SLC41A2: variants seen among roughly 807,000 people sequenced by gnomAD.
SLC41A2 encodes SLC41A1-like 1.
A neutral mutation model predicts 58.3 loss-of-function variants in SLC41A2; 32 were observed. The ratio of observed to expected loss-of-function variants is 0.55; its 90% CI spans 0.41 to 0.74. SLC41A2 has a LOEUF of 0.74. Ranked by LOEUF, SLC41A2 falls within the 30% of genes least tolerant of loss-of-function variation. The pLI is 0.00. For missense variants in SLC41A2, 514 were observed against 680.6 expected, an observed-to-expected ratio of 0.76 and a Z score of 2.72; for synonymous variants, 190 against 235.0, an observed-to-expected ratio of 0.81 and a Z score of 1.75.
intron 9 of SLC41A2, among the ~76,000 whole-genome samples, chr12:104,845,285 T>C (rs2042563361): frequency 6.6e-6 from 1 of 152,136 alleles, no homozygotes; most frequent in Non-Finnish European, 1.5e-5. Context: ...AGCAAAGCCC[T>C]GTCTCAACAA....
chr12:104,863,181 T>C (rs1439139805), intron 7 of SLC41A2, among the ~76,000 whole-genome samples: 1 of 152,258 alleles, frequency 6.6e-6, no homozygotes, highest in Non-Finnish European at 1.5e-5. Context: ...CTCATGCCTA[T>C]AATCCCAGCA....
chr12:104,822,954 C>G (rs753320177), intron 10 of SLC41A2, among the ~76,000 whole-genome samples: 3 of 152,042 alleles, frequency 2.0e-5, no homozygotes, highest in African/African-American at 4.8e-5. Flanking sequence ...AATTTGAAAA[C>G]TATAAAAAGA....
At chr12:104,871,190 C>T (rs576417940) in intron 6 of SLC41A2, among the ~76,000 whole-genome samples, 2 of 152,234 alleles carry the variant, frequency 1.3e-5, no homozygotes, top group African/African-American at 2.4e-5. Context: ...TCTCAGATCT[C>T]GCCTACAAAG....
chr12:104,932,624 CAA>C lies in SLC41A2; in HGVS notation c.-167-3932_-167-3931del, dbSNP rs544329617. ...TGGGTGACGCAGTGAGACTTTGTCT[CAA>C]AAAAAAAAAAAAAAAAAAAAGATAT... On this transcript the variant is annotated intron_variant, in intron 1 of 10. Transcript: ENST00000258538. Among the ~76,000 whole-genome samples, 63 of 46,058 alleles carry C rather than the reference CAA, an allele frequency of 1.4e-3. No individual in the cohort carries two copies. In the South Asian group the frequency reaches 0.026, roughly 19 times the overall value. 30.2% of individuals were successfully genotyped at this position (46,058 alleles called of 152,430 possible). A position where few individuals can be genotyped will look rare whatever the true frequency, so the allele number is the denominator to read the frequency against.
intron 10 of SLC41A2, among the ~76,000 whole-genome samples, chr12:104,805,801 G>A (rs1336333021): frequency 6.6e-6 from 1 of 152,104 alleles, no homozygotes; most frequent in East Asian, 1.9e-4. Flanking sequence ...GACTTGTCAA[G>A]GAAAATTTCA....
At chr12:104,833,610 C>T (rs1407698877) in intron 10 of SLC41A2, among the ~76,000 whole-genome samples, 1 of 152,096 alleles carries the variant, frequency 6.6e-6, no homozygotes, top group African/African-American at 2.4e-5. Flanking sequence ...TCTTTGGAAA[C>T]TTTTTGCTTT....
intron 1 of SLC41A2, among the ~76,000 whole-genome samples, chr12:104,929,519 A>T (rs1047134371): frequency 6.6e-6 from 1 of 152,228 alleles, no homozygotes. Context: ...CTGGCCACTC[A>T]GTGACTAGAG....
intron 10 of SLC41A2, among the ~76,000 whole-genome samples, chr12:104,838,734 G>A (rs1271393597): frequency 6.6e-6 from 1 of 152,092 alleles, no homozygotes; most frequent in East Asian, 1.9e-4. Flanking sequence ...AAGTTACAGA[G>A]GAAAAAGACT....
intron 8 of SLC41A2, among the ~76,000 whole-genome samples, chr12:104,852,939 G>A (rs984967172): frequency 6.6e-6 from 1 of 152,070 alleles, no homozygotes; most frequent in African/African-American, 2.4e-5. Context: ...ATTCTTCAGG[G>A]ACTAATTGCA....
chr12:104,842,249 A>G (rs1433174130), intron 10 of SLC41A2, among the ~76,000 whole-genome samples: 2 of 152,040 alleles, frequency 1.3e-5, no homozygotes, highest in African/African-American at 4.8e-5. Flanking sequence ...GCTTATGTGT[A>G]TGCTAGTGTC....
At chr12:104,873,093 C>T (rs2043863836) in intron 6 of SLC41A2, among the ~76,000 whole-genome samples, 1 of 152,110 alleles carries the variant, frequency 6.6e-6, no homozygotes. Flanking sequence ...TCATGTTGTA[C>T]ATTCATTGGA....
At chr12:104,904,355 A>G (rs949757448) in intron 3 of SLC41A2, among the ~76,000 whole-genome samples, 12 of 152,176 alleles carry the variant, frequency 7.9e-5, no homozygotes, top group Non-Finnish European at 1.3e-4. Flanking sequence ...TTCTTCTTCA[A>G]ATGTTGCCAC....
rs770175203 is a variant in SLC41A2, at chr12:104,886,306, T to G, written c.1014A>C (p.Leu338Phe). 1.4e-5 allele frequency: 22 copies of G among 1,613,316 alleles called. No individual in the cohort carries two copies. The highest frequency in any genetic ancestry group is 1.8e-5 in the Non-Finnish European group (21 of 1,179,564). Residue 338 changes from leucine to phenylalanine, a missense_variant, in exon 6 of 11, where the codon TTA (leucine) becomes TTC (phenylalanine). By Grantham distance (22) the Leu-to-Phe change is conservative (BLOSUM62 0). Around this residue, in one of 3 missense-constraint regions of SLC41A2, gnomAD observed 336 missense variants for 430.0 expected, o/e 0.78. Coordinates refer to ENST00000258538, the MANE Select transcript of SLC41A2 (RefSeq NM_001352171.3). ...LAILAWISQG[L>F]YSCLETYYYI... ...AAATCAACTTACCAAGACAGGAGTA[T>G]AAGCCCTGACTTATCCAAGCCAATA...
chr12:104,878,299 T>TTATATATATATATATATATATATATATA (rs55670022), intron 6 of SLC41A2, among the ~76,000 whole-genome samples: 86 of 139,874 alleles, frequency 6.1e-4, no homozygotes, highest in East Asian at 9.2e-4. Context: ...TACCTGTATT[T>TTATATATATATATATATATATATATATA]TATATATATA....
Position 104,803,347 on chromosome 12 carries a change from T to C in SLC41A2, c.*1805A>G. On this transcript the variant is annotated 3_prime_UTR_variant, in exon 11 of 11. Transcript: ENST00000258538. ...AATGTTCACTATGTAACATTATAAC[T>C]CTCCAAAGGAGAAATTCTATAATTA... is the stretch of plus-strand genomic sequence containing the variant. 6.6e-6 allele frequency: 1 copy of C among 152,144 alleles called. No individual in the cohort carries two copies. Among genetic ancestry groups the C allele is most frequent in the Non-Finnish European group, 1.5e-5 (1 of 67,998 alleles). 9.4% of individuals were successfully genotyped at this position (152,144 alleles called of 1,614,324 possible).
rs1277335171 is a variant in SLC41A2, at chr12:104,878,462, G to A, written c.1027+7831C>T. On this transcript the variant is annotated intron_variant, in intron 6 of 10. Transcript: ENST00000258538. The stretch of plus-strand genomic sequence containing the variant: ...TTTCTCCCAATGCTATCCCTCCCCC[G>A]TCCCCCCACCCCACCACAGGCCCTG... Among the ~76,000 whole-genome samples the A allele has an allele frequency of 4.8e-5, 6 of 124,050 alleles. No individual in the cohort carries two copies. In the East Asian group the frequency reaches 9.4e-4, roughly 19 times the overall value. 81.4% of individuals were successfully genotyped at this position (124,050 alleles called of 152,430 possible).
rs140000738 is a variant in SLC41A2, at chr12:104,935,849, C to T, written c.-167-7155G>A. ...CTTGAGGCCAGGAGTTTGAGACCAG[C>T]CTGGCCAACACGGCGAAACCCTGTC... is the stretch of plus-strand genomic sequence containing the variant. On this transcript the variant is annotated intron_variant, in intron 1 of 10. Coordinates refer to ENST00000258538, the MANE Select transcript of SLC41A2 (RefSeq NM_001352171.3). Among the ~76,000 whole-genome samples the T allele has an allele frequency of 2.4e-3, 369 of 152,192 alleles. 3 individuals carry two copies. Among genetic ancestry groups the T allele is most frequent in the African/African-American group, 8.5e-3 (351 of 41,514 alleles).
At chr12:104,839,230 G>A (rs1321311009) in intron 10 of SLC41A2, among the ~76,000 whole-genome samples, 1 of 151,926 alleles carries the variant, frequency 6.6e-6, no homozygotes, top group African/African-American at 2.4e-5. Flanking sequence ...AATAGAATAG[G>A]GCTATTGAAT....
At chr12:104,911,451 C>G (rs1264261766) in intron 2 of SLC41A2, among the ~76,000 whole-genome samples, 2 of 151,952 alleles carry the variant, frequency 1.3e-5, no homozygotes, top group Non-Finnish European at 2.9e-5. Flanking sequence ...ATTAAAGATA[C>G]AAATATCTTA....
Sources: gnomAD v4.1 joint callset for allele counts (sites outside exome capture counted in the v4.1 genomes callset) on GRCh38, gnomAD v4.1.1 for gene constraint, gnomAD v4.1.1 regional missense constraint, MANE v1.5 for transcripts, NCBI Gene and HGNC (gene_info 2026-07-23, HGNC 2026-07-21) for gene names.